The following MGARP variants were observed in gnomAD, a reference collection of about 807,000 sequenced individuals.
MGARP encodes protein MGARP.
In MGARP, 12 loss-of-function variants were observed where a neutral mutation model predicts 11.0. That is an observed-to-expected ratio of 1.09 (90% CI 0.70 to 1.77). The LOEUF is 1.77. Among genes scored for constraint, MGARP ranks in the 40% most tolerant of loss-of-function variants. The pLI is 0.00. For missense variants in MGARP, 283 were observed against 297.8 expected, an observed-to-expected ratio of 0.95 and a Z score of 0.36; for synonymous variants, 110 against 115.4, an observed-to-expected ratio of 0.95 and a Z score of 0.30.
At chr4:139,276,421 AAT>A (rs1341270062) in intron 1 of MGARP, among the ~76,000 whole-genome samples, 3 of 152,194 alleles carry the variant, frequency 2.0e-5, no homozygotes, top group Admixed American at 2.0e-4. Flanking sequence ...TAGTTGTCAT[AAT>A]AGAAGAGACC....
intron 1 of MGARP, among the ~76,000 whole-genome samples, chr4:139,277,769 C>T (rs1018710672): frequency 4.6e-5 from 7 of 150,654 alleles, no homozygotes; most frequent in African/African-American, 1.7e-4. Context: ...ATAATGTGCA[C>T]AAGGAAGGAA....
rs1346562834 is a variant in MGARP at position 139,275,276 on chromosome 4, T to C, written c.186+13A>G. On this transcript the variant is annotated intron_variant, in intron 2 of 3. Coordinates refer to ENST00000398955, the MANE Select transcript of MGARP (RefSeq NM_032623.4). The stretch of plus-strand genomic sequence containing the variant: ...CATGAATTCTTGAGCACTGTGGTTA[T>C]ATAATCACTTACATAATATCCACCA... The C allele has an allele frequency of 6.2e-7, 1 of 1,602,218 alleles. No homozygotes were observed. The highest frequency in any genetic ancestry group is 8.5e-7 in the Non-Finnish European group (1 of 1,170,286).
intron 1 of MGARP, among the ~76,000 whole-genome samples, chr4:139,277,446 T>C (rs922165473): frequency 3.3e-5 from 5 of 152,152 alleles, no homozygotes; most frequent in African/African-American, 1.2e-4. Flanking sequence ...TGTGATCAAA[T>C]AGGGAATATA....
intron 1 of MGARP, among the ~76,000 whole-genome samples, chr4:139,277,822 G>A (rs537232419): frequency 2.0e-5 from 3 of 152,092 alleles, no homozygotes; most frequent in Non-Finnish European, 4.4e-5. Flanking sequence ...ATACTAAAAC[G>A]TAATTAGTTG....
At chr4:139,280,032 C>T in intron 1 of MGARP, 45 bp downstream of exon 1, 2 of 1,601,294 alleles carry the variant, frequency 1.2e-6, no homozygotes, top group Non-Finnish European at 8.5e-7. Context: ...GAAATCTGCA[C>T]CCGAGGCGCC....
chr4:139,271,548 G>T (rs1028760439), intron 2 of MGARP, among the ~76,000 whole-genome samples: 9 of 152,254 alleles, frequency 5.9e-5, no homozygotes, highest in African/African-American at 2.2e-4. Flanking sequence ...AGTGATCTGG[G>T]CCTCTTTCAG....
intron 2 of MGARP, among the ~76,000 whole-genome samples, chr4:139,271,729 C>T (rs1387853352): frequency 6.6e-6 from 1 of 152,138 alleles, no homozygotes; most frequent in Non-Finnish European, 1.5e-5. Flanking sequence ...GCCTTACATT[C>T]AGCATTTCCT....
chr4:139,273,344 C>T (rs1744815417), intron 2 of MGARP, among the ~76,000 whole-genome samples: 1 of 151,710 alleles, frequency 6.6e-6, no homozygotes, highest in African/African-American at 2.4e-5. Context: ...CAAAGCCTCC[C>T]AAGTACCTAG....
intron 2 of MGARP, among the ~76,000 whole-genome samples, chr4:139,273,593 C>A (rs748753037): frequency 1.3e-5 from 2 of 149,506 alleles, no homozygotes; most frequent in Non-Finnish European, 3.0e-5. Flanking sequence ...CAGCTCACTG[C>A]GACCTCCACC....
At chr4:139,267,649 AT>A (rs1483353867) in intron 3 of MGARP, among the ~76,000 whole-genome samples, 1 of 152,250 alleles carries the variant, frequency 6.6e-6, no homozygotes, top group Non-Finnish European at 1.5e-5. Flanking sequence ...GCAAATGCTT[AT>A]TAGTATTATA....
rs1226666016 is a variant in MGARP, at chr4:139,266,853, CG to C, written c.468del (p.Pro158GlnfsTer14). On this transcript the variant is annotated frameshift_variant, in exon 4 of 4. Transcript: ENST00000398955. LOFTEE classifies it low-confidence loss of function (END_TRUNC). ...GCCGCTGCATCTGTGACCTCTGGCC[CG>C]GTTTCAGCACTGACTGCTGTGGTCT... ...APETTAVSAE[T>X]GPEVTDAAAR... 1 of 1,614,028 alleles carries C rather than the reference CG, an allele frequency of 6.2e-7. No homozygotes were observed. The highest frequency in any genetic ancestry group is 8.5e-7 in the Non-Finnish European group (1 of 1,180,034).
Position 139,266,834 on chromosome 4 carries a change from G to C in MGARP, c.488C>G (p.Ala163Gly), listed in dbSNP as rs199701436. The change falls in exon 4 of 4, where the codon GCA (alanine) becomes GGA (glycine). Residue 163 changes from alanine to glycine, a missense_variant. By Grantham distance (60) the Ala-to-Gly change is moderately conservative (BLOSUM62 0). Coordinates refer to ENST00000398955, the MANE Select transcript of MGARP (RefSeq NM_032623.4). ...SAETGPEVTD[A>G]AARETTEVNP... is the part of the protein sequence containing the mutation. ...TACTTCCGTGGTTTCCCTCGCCGCTGCATCTGTGACCTCTGGCCCGGTTTC... is the reference window on the plus strand; with the variant it reads ...TACTTCCGTGGTTTCCCTCGCCGCTCCATCTGTGACCTCTGGCCCGGTTTC... 27 of 1,614,156 alleles carry C rather than the reference G, an allele frequency of 1.7e-5. No homozygotes were observed. In the African/African-American group the frequency reaches 3.5e-4, roughly 21 times the overall value.
Position 139,280,146 on chromosome 4 carries a change from T to C in MGARP, c.13A>G (p.Arg5Gly). The C allele has an allele frequency of 6.2e-7, 1 of 1,610,228 alleles. No homozygotes were observed. Among genetic ancestry groups the C allele is most frequent in the South Asian group, 1.1e-5 (1 of 90,916 alleles). The stretch of plus-strand genomic sequence containing the variant: ...AGCGCCAGAGTCTTGGAGACCGCCC[T>C]GCGGAGATACATCGCGCCCGCTGTC... MYLR[R>G]AVSKTLALPL... The change falls in exon 1 of 4, where the codon AGG becomes GGG. Residue 5 changes from arginine to glycine, a missense_variant. Physicochemically the swap from Arg to Gly is moderately radical, Grantham distance 125. Coordinates refer to ENST00000398955, the MANE Select transcript of MGARP (RefSeq NM_032623.4).
intron 1 of MGARP, among the ~76,000 whole-genome samples, chr4:139,277,901 A>G (rs749515716): frequency 3.3e-5 from 5 of 152,170 alleles, no homozygotes; most frequent in Non-Finnish European, 5.9e-5. Flanking sequence ...CCAATTATCT[A>G]TTATAAATCT....
At chr4:139,277,894 A>T (rs1214447776) in intron 1 of MGARP, among the ~76,000 whole-genome samples, 2 of 152,142 alleles carry the variant, frequency 1.3e-5, no homozygotes, top group Non-Finnish European at 2.9e-5. Context: ...TTTTTCCCCA[A>T]TTATCTATTA....
chr4:139,268,927 C>T (rs1358179277), intron 2 of MGARP, among the ~76,000 whole-genome samples, 162 bp from the exon 3 acceptor site: 1 of 152,148 alleles, frequency 6.6e-6, no homozygotes, highest in Non-Finnish European at 1.5e-5. Context: ...TACTCTTTTA[C>T]TTCCCTTTTG....
chr4:139,268,319 G>A (rs902623513), intron 3 of MGARP, among the ~76,000 whole-genome samples: 10 of 152,326 alleles, frequency 6.6e-5, no homozygotes, highest in African/African-American at 2.4e-4. Context: ...AAAACTGAAA[G>A]ATAATTTGTT....
rs1744698106 is a variant in MGARP at position 139,266,476 on chromosome 4, A to G, written c.*123T>C. 1 of 929,194 alleles carries G rather than the reference A, an allele frequency of 1.1e-6. No individual in the cohort carries two copies. Among genetic ancestry groups the G allele is most frequent in the Non-Finnish European group, 1.6e-6 (1 of 637,216 alleles). 57.6% of individuals were successfully genotyped at this position (929,194 alleles called of 1,614,324 possible). A position where few individuals can be genotyped will look rare whatever the true frequency, so the allele number is the denominator to read the frequency against. ...CTATCAGTGGATGCCAAAAATCTTCAAGACCCATTAACGTTTTCTAGAAAA... is the reference window on the plus strand; with the variant it reads ...CTATCAGTGGATGCCAAAAATCTTCGAGACCCATTAACGTTTTCTAGAAAA... On this transcript the variant is annotated 3_prime_UTR_variant, in exon 4 of 4. Transcript: ENST00000398955.
At chr4:139,279,934 C>T in intron 1 of MGARP, 143 bp downstream of exon 1, 1 of 847,284 alleles carries the variant, frequency 1.2e-6, no homozygotes, top group Non-Finnish European at 1.9e-6. Context: ...CGGGAGTCTC[C>T]CCCAGTCTCC....
Sources: gnomAD v4.1 joint callset for allele counts (sites outside exome capture counted in the v4.1 genomes callset) on GRCh38, gnomAD v4.1.1 for gene constraint, MANE v1.5 for transcripts, NCBI Gene and HGNC (gene_info 2026-07-23, HGNC 2026-07-21) for gene names.